NDRG2: variants seen among roughly 807,000 people sequenced by gnomAD.
NDRG2 encodes the protein NDRG family member 2, also known as protein NDRG2.
In NDRG2, 34 loss-of-function variants were observed where a neutral mutation model predicts 58.2. The observed-to-expected ratio is 0.58, with a 90% CI of 0.44 to 0.78. The LOEUF is 0.78. NDRG2 is among the 30% of genes least tolerant of loss of function. The probability of loss-of-function intolerance (pLI) is 0.00; values close to 1 mark genes in which losing one functional copy is unlikely to be tolerated. For missense variants in NDRG2, 434 were observed against 471.2 expected, an observed-to-expected ratio of 0.92 and a Z score of 0.73; for synonymous variants, 187 against 175.9, an observed-to-expected ratio of 1.06 and a Z score of -0.50.
rs527894702 is a variant in NDRG2 at position 21,045,118 on chromosome 14, G to A, written c.25-21797C>T. 2.6e-5 allele frequency among the ~76,000 whole-genome samples: 4 copies of A among 152,282 alleles called. 1 individual carries two copies. In the East Asian group the frequency reaches 5.8e-4, roughly 22 times the overall value. Reference sequence around the variant, plus strand: ...AGCAATATCCATCTTTGGAAAACACGCAGACCAAGGCAAATACCCCCACTA... The same window carrying A: ...AGCAATATCCATCTTTGGAAAACACACAGACCAAGGCAAATACCCCCACTA... On this transcript the variant is annotated intron_variant, in intron 1 of 14. Transcript: ENST00000403829.
chr14:21,066,018 G>A (rs904707951), intron 1 of NDRG2, among the ~76,000 whole-genome samples: 1 of 152,168 alleles, frequency 6.6e-6, no homozygotes, highest in Non-Finnish European at 1.5e-5. Context: ...AGAATCACTT[G>A]CACCTGGGAG....
In NDRG2 at chr14:21,037,598, T is replaced by G. The variant is rs181178975; in HGVS notation, c.25-14277A>C. Among the ~76,000 whole-genome samples the G allele has an allele frequency of 4.6e-5, 7 of 152,310 alleles. No individual in the cohort carries two copies. The East Asian group carries it at 1.3e-3, about 29-fold the overall frequency. ...ACAGGACAGCTCCCATAACAAAGAA[T>G]TATCCAGACCAAGATGTAAATAACA... On this transcript the variant is annotated intron_variant, in intron 1 of 14. Transcript: ENST00000403829.
chr14:21,068,671 G>T (rs1201961284), intron 1 of NDRG2, among the ~76,000 whole-genome samples: 1 of 152,198 alleles, frequency 6.6e-6, no homozygotes, highest in Non-Finnish European at 1.5e-5. Flanking sequence ...TAGAGAACCT[G>T]GAGAGTGTCG....
chr14:21,025,378 C>G (rs530526049), upstream of NDRG2: 584 of 985,662 alleles, frequency 5.9e-4, no homozygotes, highest in African/African-American at 9.5e-3. This position sits in a 1 kb window ranked among gnomAD's most constrained non-coding sequence, Gnocchi z 5.1. Flanking sequence ...GCCCTCAGCA[C>G]CGCCCCATCC....
intron 1 of NDRG2, among the ~76,000 whole-genome samples, chr14:21,059,619 T>G (rs1362942400): frequency 6.6e-6 from 1 of 152,070 alleles, no homozygotes; most frequent in Non-Finnish European, 1.5e-5. Context: ...CTCAGCCTCC[T>G]GAGTATCTGG....
chr14:21,035,343 A>G (rs1884548371), intron 1 of NDRG2, among the ~76,000 whole-genome samples: 1 of 152,194 alleles, frequency 6.6e-6, no homozygotes, highest in Admixed American at 6.5e-5. Flanking sequence ...TGGATGCCAG[A>G]GCCTGGCATG....
chr14:21,035,576 T>G (rs974119210), intron 1 of NDRG2, among the ~76,000 whole-genome samples: 2 of 152,136 alleles, frequency 1.3e-5, no homozygotes, highest in African/African-American at 4.8e-5. Flanking sequence ...CCTTTTTACC[T>G]TTGCTGGGCA....
chr14:21,044,421 A>T (rs909575573), intron 1 of NDRG2, among the ~76,000 whole-genome samples: 1 of 152,116 alleles, frequency 6.6e-6, no homozygotes, highest in Non-Finnish European at 1.5e-5. Flanking sequence ...CCAGGATCAC[A>T]TTTCCTTTGA....
chr14:21,025,037 G>A lies in NDRG2; in HGVS notation c.-1014C>T. 1 of 985,530 alleles carries A rather than the reference G, an allele frequency of 1.0e-6. No individual in the cohort carries two copies. The highest frequency in any genetic ancestry group is 1.2e-6 in the Non-Finnish European group (1 of 830,306). The allele number at this position is 985,530 out of a possible 1,614,324, so 61.0% of individuals were successfully genotyped here. The stretch of plus-strand genomic sequence containing the variant: ...CCTGCCCCTCCCCCTACCTGCTGCC[G>A]CCGCGGCCGCTTCCACCTTCACTTG... On this transcript the variant is annotated 5_prime_UTR_variant, in exon 1 of 16. Transcript: ENST00000556147. The surrounding 1 kb of genome is among the most constrained non-coding windows in gnomAD (Gnocchi z 5.1).
chr14:21,022,026 C>G (rs1321957647), intron 5 of NDRG2, 36 bp downstream of exon 5: 1 of 1,613,998 alleles, frequency 6.2e-7, no homozygotes, highest in Non-Finnish European at 8.5e-7. Context: ...TCCTGTTCCT[C>G]ACAGTCTGGT....
intron 1 of NDRG2, among the ~76,000 whole-genome samples, chr14:21,045,984 A>G (rs768584999): frequency 2.6e-4 from 39 of 152,236 alleles, no homozygotes; most frequent in African/African-American, 9.6e-5. Context: ...GGTCATAAAA[A>G]TAAATAAGAA....
In NDRG2 at chr14:21,032,059, C is replaced by G. The variant is rs76101114; in HGVS notation, c.25-8738G>C. 8,016 of 1,613,678 alleles carry G rather than the reference C, an allele frequency of 5.0e-3. 251 individuals are homozygous for G. In the African/African-American group the frequency reaches 0.078, roughly 16 times the overall value. ...GTGGTTACAAGGGTTCTGGCACCTA[C>G]GATAAGAAGACCAAGTAGAGAGGAG... is the stretch of plus-strand genomic sequence containing the variant. On this transcript the variant is annotated intron_variant, in intron 1 of 14. Transcript: ENST00000403829.
chr14:21,022,970 A>C, intron 2 of NDRG2, 65 bp from the exon 3 acceptor site: 1 of 1,581,580 alleles, frequency 6.3e-7, no homozygotes, highest in Non-Finnish European at 8.7e-7. Context: ...ATGGAGAGAC[A>C]AACAGACAAA....
chr14:21,038,834 C>T (rs1594491626), intron 1 of NDRG2, among the ~76,000 whole-genome samples: 1 of 152,144 alleles, frequency 6.6e-6, no homozygotes, highest in African/African-American at 2.4e-5. Context: ...GTCTGGGAGC[C>T]AAGGATTCCA....
At chr14:21,062,364 C>T (rs1231541554) in intron 1 of NDRG2, among the ~76,000 whole-genome samples, 4 of 152,288 alleles carry the variant, frequency 2.6e-5, no homozygotes, top group Non-Finnish European at 5.9e-5. Context: ...CAAGGGCATG[C>T]GACTGGCAGT....
chr14:21,033,200 G>T, intron 1 of NDRG2: 1 of 353,034 alleles, frequency 2.8e-6, no homozygotes, highest in South Asian at 2.2e-5. Flanking sequence ...ACAGTCCTAG[G>T]CTCCATGGTA....
At chr14:21,031,181 C>T in intron 1 of NDRG2, 1 of 1,611,962 alleles carries the variant, frequency 6.2e-7, no homozygotes, top group Non-Finnish European at 8.5e-7. Flanking sequence ...TGACAGCCTT[C>T]ATCCCCTTGA....
At chr14:21,059,175 C>T (rs767677410) in intron 1 of NDRG2, among the ~76,000 whole-genome samples, 8 of 152,184 alleles carry the variant, frequency 5.3e-5, no homozygotes, top group Admixed American at 5.2e-4. Context: ...CATGTTTCAT[C>T]GACGTGACCC....
chr14:21,024,808 G>A lies in NDRG2; in HGVS notation c.-785C>T, dbSNP rs927872611. On this transcript the variant is annotated 5_prime_UTR_variant, in exon 1 of 16. Transcript: ENST00000556147. ...GGAGACTGACACCCTTGCGTGGCCG[G>A]TGCCAAGCGCCCCGGACCTTGCACA... 88 of 985,514 alleles carry A rather than the reference G, an allele frequency of 8.9e-5. No individual in the cohort carries two copies. The African/African-American group carries it at 1.5e-3, about 16-fold the overall frequency. 61.0% of individuals were successfully genotyped at this position (985,514 alleles called of 1,614,324 possible). A position where few individuals can be genotyped will look rare whatever the true frequency, so the allele number is the denominator to read the frequency against.
Sources: gnomAD v4.1 joint callset for allele counts (sites outside exome capture counted in the v4.1 genomes callset) on GRCh38, gnomAD v4.1.1 for gene constraint, Gnocchi (gnomAD v3.1) non-coding constraint, MANE v1.5 for transcripts, NCBI Gene and HGNC (gene_info 2026-07-23, HGNC 2026-07-21) for gene names.